The following TMPO variants were observed in gnomAD, a reference collection of about 807,000 sequenced individuals.
The protein encoded by TMPO is LEM domain containing 4.
Under a neutral mutation model 45.4 loss-of-function variants are expected in TMPO, and 22 were observed. The ratio of observed to expected loss-of-function variants is 0.48; its 90% CI spans 0.35 to 0.69. The LOEUF (loss-of-function observed/expected upper bound fraction) is 0.69, where lower values mean the gene tolerates loss of function less well. Ranked by LOEUF, TMPO falls within the 30% of genes least tolerant of loss-of-function variation. The pLI is 0.01. For synonymous variants in TMPO, 241 were observed against 204.1 expected, an observed-to-expected ratio of 1.18 and a Z score of -1.54; for missense variants, 512 against 548.8, an observed-to-expected ratio of 0.93 and a Z score of 0.67.
rs398044704 is a variant in TMPO, at chr12:98,521,100, A to ATTTTTTTTTTTTTTTTTT, written c.279+4962_279+4979dup. ...CTATTTAATCATGGGTTTATGAGGA[A>ATTTTTTTTTTTTTTTTTT]TTTTTTTTTTTTTTTTTTTTTTTTT... On this transcript the variant is annotated intron_variant, in intron 1 of 8. Coordinates refer to ENST00000556029, the MANE Select transcript of TMPO (RefSeq NM_001032283.3). 1.0e-3 allele frequency among the ~76,000 whole-genome samples: 80 copies of ATTTTTTTTTTTTTTTTTT among 76,764 alleles called. 11 individuals carry two copies. Among genetic ancestry groups the ATTTTTTTTTTTTTTTTTT allele is most frequent in the Non-Finnish European group, 1.4e-3 (58 of 41,844 alleles). The allele number at this position is 76,764 out of a possible 152,430, so 50.4% of individuals were successfully genotyped here.
Position 98,537,559 on chromosome 12 carries a change from T to C in TMPO, c.650T>C (p.Val217Ala). Residue 217 changes from valine to alanine, a missense_variant, in exon 4 of 9, where the codon GTT becomes GCT. This residue lies in a region of TMPO where 299 missense variants were observed against 296.7 expected (regional missense o/e 1.01). Transcript: ENST00000556029. ...KTPVTLKQRR[V>A]EHNQSYSQAG... ...CCAGTAACACTCAAGCAAAGAAGAG[T>C]TGAGCACAATCAGGTATCTTTAGTT... is the stretch of plus-strand genomic sequence containing the variant. The C allele has an allele frequency of 6.2e-7, 1 of 1,612,324 alleles. No homozygotes were observed. Among genetic ancestry groups the C allele is most frequent in the South Asian group, 1.1e-5 (1 of 90,904 alleles).
chr12:98,538,738 T>C (rs1490803903), intron 4 of TMPO, among the ~76,000 whole-genome samples: 1 of 152,178 alleles, frequency 6.6e-6, no homozygotes, highest in Admixed American at 6.5e-5. Flanking sequence ...TTGATGTAGT[T>C]GATAAGTTGA....
chr12:98,525,614 ACCTGTAATC>A (rs1162669057), intron 1 of TMPO, among the ~76,000 whole-genome samples: 2 of 151,782 alleles, frequency 1.3e-5, no homozygotes, highest in African/African-American at 4.8e-5. Context: ...GGTGGTGCAC[ACCTGTAATC>A]CCAGCTACTC....
At chr12:98,533,514 A>G in intron 3 of TMPO, 2 of 1,614,156 alleles carry the variant, frequency 1.2e-6, no homozygotes, top group South Asian at 1.1e-5. Flanking sequence ...AGTTTCAAGA[A>G]ACTGAATTCC....
chr12:98,535,353 T>C (rs1877505954), intron 3 of TMPO: 1 of 985,108 alleles, frequency 1.0e-6, no homozygotes, highest in Non-Finnish European at 1.2e-6. Flanking sequence ...TATCATGTTT[T>C]CATTTCTGTG....
intron 6 of TMPO, 69 bp downstream of exon 6, chr12:98,544,606 G>A: frequency 7.6e-7 from 1 of 1,313,302 alleles, no homozygotes; most frequent in South Asian, 1.3e-5. Context: ...AAATGGGGAG[G>A]TGGTGAATTT....
Position 98,516,099 on chromosome 12 carries a change from G to A in TMPO, c.232G>A (p.Gly78Ser). ...AGAGCGCGAGCCCACCCCGGTCCTC[G>A]GCTCTGGGGCCGCCGCCGCGGGCCG... ...DEEREPTPVL[G>S]SGAAAAGRSR... The change falls in exon 1 of 9, where the codon GGC (glycine) becomes AGC (serine). Residue 78 changes from glycine to serine, a missense_variant. By Grantham distance (56) the Gly-to-Ser change is moderately conservative. Coordinates refer to ENST00000556029, the MANE Select transcript of TMPO (RefSeq NM_001032283.3). 6.4e-7 allele frequency: 1 copy of A among 1,562,478 alleles called. No homozygotes were observed. The highest frequency in any genetic ancestry group is 8.6e-7 in the Non-Finnish European group (1 of 1,161,526).
At chr12:98,533,780 A>G in intron 3 of TMPO, 1 of 1,614,236 alleles carries the variant, frequency 6.2e-7, no homozygotes, top group Non-Finnish European at 8.5e-7. Flanking sequence ...GAATGGCAGC[A>G]AGTTGACAGG....
intron 1 of TMPO, among the ~76,000 whole-genome samples, chr12:98,527,069 A>G (rs1436487306): frequency 6.6e-6 from 1 of 152,212 alleles, no homozygotes; most frequent in African/African-American, 2.4e-5. Flanking sequence ...AAGGATTATC[A>G]AAAAGTTAGT....
intron 3 of TMPO, chr12:98,533,243 T>C (rs777305084): frequency 3.1e-6 from 5 of 1,613,918 alleles, no homozygotes; most frequent in Middle Eastern, 1.6e-4. Flanking sequence ...GTAGAAAATA[T>C]TTGCGGTAGA....
In TMPO at chr12:98,531,767, TTTC is replaced by T. The variant is rs757645200; in HGVS notation, c.501_503del (p.Ser168del). ...AGATCTTCTACTCCTCTGCCAACAATTTCTTCTTCAGCAGAAAATACAAGGCAG... is the reference window on the plus strand; with the variant it reads ...AGATCTTCTACTCCTCTGCCAACAATTTCTTCAGCAGAAAATACAAGGCAG... On this transcript the variant is annotated inframe_deletion, in exon 3 of 9. Transcript: ENST00000556029. 6.2e-7 allele frequency: 1 copy of T among 1,613,888 alleles called. No individual in the cohort carries two copies. The highest frequency in any genetic ancestry group is 1.1e-5 in the South Asian group (1 of 91,074).
At chr12:98,546,524 A>T (rs150040510) in intron 8 of TMPO, 77 bp downstream of exon 8, 1 of 1,146,494 alleles carries the variant, frequency 8.7e-7, no homozygotes, top group South Asian at 1.2e-5. Flanking sequence ...TCACAAAGTT[A>T]CTGTACTTCT....
At chr12:98,522,897 C>T (rs1876476688) in intron 1 of TMPO, among the ~76,000 whole-genome samples, 1 of 152,150 alleles carries the variant, frequency 6.6e-6, no homozygotes, top group South Asian at 2.1e-4. Context: ...GTACGTAATA[C>T]ATAATAAGTG....
chr12:98,534,045 C>G (rs759584273), intron 3 of TMPO: 3 of 1,608,580 alleles, frequency 1.9e-6, no homozygotes, highest in South Asian at 2.2e-5. Context: ...TGCAGGCAGA[C>G]ATTAGTCAAG....
intron 1 of TMPO, among the ~76,000 whole-genome samples, chr12:98,527,252 C>T (rs1283493255): frequency 2.0e-5 from 3 of 146,386 alleles, no homozygotes; most frequent in Non-Finnish European, 3.0e-5. Context: ...AATCCTAACA[C>T]TTTGGGAGGC....
chr12:98,547,779 T>G lies in TMPO; in HGVS notation c.1286T>G (p.Leu429Trp), dbSNP rs1878314876. ...LFVVVAVFLF[L>W]VYQAMETNQV... ...GTTGTTGTGGCAGTTTTTTTGTTTT[T>G]GGTCTATCAAGCTATGGAAACCAAC... The change falls in exon 9 of 9, where the codon TTG (leucine) becomes TGG (tryptophan). Residue 429 changes from leucine to tryptophan, a missense_variant. By Grantham distance (61) the Leu-to-Trp change is moderately conservative (BLOSUM62 -2). Coordinates refer to ENST00000556029, the MANE Select transcript of TMPO (RefSeq NM_001032283.3). The G allele has an allele frequency of 6.2e-7, 1 of 1,614,090 alleles. No homozygotes were observed. The highest frequency in any genetic ancestry group is 1.1e-5 in the South Asian group (1 of 91,084).
chr12:98,541,382 AT>A (rs1290035495), intron 4 of TMPO, among the ~76,000 whole-genome samples: 2 of 152,192 alleles, frequency 1.3e-5, no homozygotes, highest in Non-Finnish European at 2.9e-5. Flanking sequence ...ATACAGGCTA[AT>A]TTTGGGTTAT....
At chr12:98,519,338 AC>A (rs1876150075) in intron 1 of TMPO, among the ~76,000 whole-genome samples, 1 of 152,094 alleles carries the variant, frequency 6.6e-6, no homozygotes, top group African/African-American at 2.4e-5. Context: ...AGCTGGGATT[AC>A]AGGCGTATAC....
intron 4 of TMPO, among the ~76,000 whole-genome samples, chr12:98,542,722 C>T (rs963590668): frequency 1.3e-5 from 2 of 152,008 alleles, no homozygotes; most frequent in African/African-American, 4.8e-5. Context: ...GCCAAGTGTG[C>T]TGGTGCGTGC....
Sources: gnomAD v4.1 joint callset for allele counts (sites outside exome capture counted in the v4.1 genomes callset) on GRCh38, gnomAD v4.1.1 for gene constraint, gnomAD v4.1.1 regional missense constraint, MANE v1.5 for transcripts, NCBI Gene and HGNC (gene_info 2026-07-23, HGNC 2026-07-21) for gene names.